HDAC9: variants seen among roughly 807,000 people sequenced by gnomAD.
HDAC9 encodes histone deacetylase 9.
HDAC9 carries 41 observed loss-of-function variants against 139.4 expected under a neutral mutation model. The ratio of observed to expected loss-of-function variants is 0.29; its 90% CI spans 0.23 to 0.38. The LOEUF (loss-of-function observed/expected upper bound fraction) is 0.38, where lower values mean the gene tolerates loss of function less well. HDAC9 is among the 10% of genes least tolerant of loss of function. The probability of loss-of-function intolerance (pLI) is 1.00; values close to 1 mark genes in which losing one functional copy is unlikely to be tolerated. For synonymous variants in HDAC9, 517 were observed against 476.2 expected (o/e 1.09, Z -1.12); for missense variants, 1,147 against 1,297.0 (o/e 0.88, Z 1.78).
intron 2 of HDAC9, among the ~76,000 whole-genome samples, chr7:18,215,571 G>T (rs1218050952): frequency 6.6e-6 from 1 of 152,184 alleles, no homozygotes; most frequent in Non-Finnish European, 1.5e-5. Context: ...TTATGTGGCA[G>T]TGTTGAGGAT....
intron 1 of HDAC9, among the ~76,000 whole-genome samples, chr7:18,434,499 A>G (rs1338094328): frequency 6.6e-6 from 1 of 152,258 alleles, no homozygotes; most frequent in Non-Finnish European, 1.5e-5. Context: ...TATGCATGCA[A>G]CAAAGGTCTA....
chr7:18,956,741 G>A (rs533387407), intron 24 of HDAC9, among the ~76,000 whole-genome samples: 1 of 152,188 alleles, frequency 6.6e-6, no homozygotes, highest in East Asian at 1.9e-4. Context: ...CAACTCCAGG[G>A]GAGCTGTTTT....
intron 2 of HDAC9, among the ~76,000 whole-genome samples, chr7:18,239,067 C>T (rs754604151): frequency 9.9e-5 from 15 of 152,002 alleles, no homozygotes; most frequent in Admixed American, 7.9e-4. Flanking sequence ...TTTACACTTA[C>T]GATTGGAAAT....
At chr7:18,177,694 T>C (rs915468111) in intron 2 of HDAC9, among the ~76,000 whole-genome samples, 1 of 152,238 alleles carries the variant, frequency 6.6e-6, no homozygotes, top group African/African-American at 2.4e-5. Flanking sequence ...TCTTCTCTAA[T>C]AGGCTTAGCT....
chr7:18,291,431 A>G (rs771126495), intron 1 of HDAC9, among the ~76,000 whole-genome samples: 1 of 152,136 alleles, frequency 6.6e-6, no homozygotes, highest in Non-Finnish European at 1.5e-5. Flanking sequence ...AATGAATACA[A>G]TAGCACTGAT....
chr7:18,651,347 G>A (rs369789835), intron 11 of HDAC9, among the ~76,000 whole-genome samples: 2 of 152,140 alleles, frequency 1.3e-5, no homozygotes, highest in South Asian at 2.1e-4. Flanking sequence ...AGGCACACAT[G>A]AAGATGTTGA....
At chr7:18,372,856 G>A (rs1044911601) in intron 1 of HDAC9, among the ~76,000 whole-genome samples, 12 of 152,174 alleles carry the variant, frequency 7.9e-5, no homozygotes, top group Non-Finnish European at 1.8e-4. Context: ...TTTGGTACAG[G>A]CAAACAGAGG....
At chr7:18,934,636 A>G (rs1185248266) in intron 22 of HDAC9, among the ~76,000 whole-genome samples, 1 of 152,168 alleles carries the variant, frequency 6.6e-6, no homozygotes, top group Non-Finnish European at 1.5e-5. Flanking sequence ...TGAAAACACA[A>G]TAAGATGCCA....
At chr7:18,889,193 G>T (rs1327206847) in intron 22 of HDAC9, among the ~76,000 whole-genome samples, 1 of 152,048 alleles carries the variant, frequency 6.6e-6, no homozygotes, top group African/African-American at 2.4e-5. Flanking sequence ...TCACATCAGG[G>T]TCTTTGCATG....
At chr7:18,499,354 G>GT (rs1186592902) in intron 2 of HDAC9, among the ~76,000 whole-genome samples, 4 of 151,900 alleles carry the variant, frequency 2.6e-5, no homozygotes, top group Non-Finnish European at 5.9e-5. Flanking sequence ...ATGGTTGTAT[G>GT]TTTTTTTGAT....
At chr7:18,092,440 C>T (rs1352541472) in intron 1 of HDAC9, among the ~76,000 whole-genome samples, 1 of 150,004 alleles carries the variant, frequency 6.7e-6, no homozygotes, top group Non-Finnish European at 1.5e-5. Flanking sequence ...GTAAAGTCAG[C>T]AGACCTGACT....
At chr7:18,895,887 TA>T (rs1456262967) in intron 22 of HDAC9, among the ~76,000 whole-genome samples, 2 of 152,098 alleles carry the variant, frequency 1.3e-5, no homozygotes, top group African/African-American at 4.8e-5. Flanking sequence ...TAATCATGAT[TA>T]ACCACTTTTT....
At chr7:18,299,688 G>A (rs1052260956) in intron 1 of HDAC9, among the ~76,000 whole-genome samples, 2 of 152,158 alleles carry the variant, frequency 1.3e-5, no homozygotes, top group African/African-American at 4.8e-5. Flanking sequence ...AAACAGGTTG[G>A]TGCTGGCTCA....
chr7:18,234,364 T>C (rs1793675824), intron 2 of HDAC9, among the ~76,000 whole-genome samples: 1 of 152,148 alleles, frequency 6.6e-6, no homozygotes, highest in African/African-American at 2.4e-5. Context: ...GTTATAGAAA[T>C]CTAGAGAAGG....
chr7:18,653,066 G>C (rs554203437), intron 11 of HDAC9, among the ~76,000 whole-genome samples: 1 of 151,876 alleles, frequency 6.6e-6, no homozygotes, highest in South Asian at 2.1e-4. Context: ...GAGAAACCCC[G>C]TCTCTACTAA....
chr7:18,116,566 T>C (rs1262996243), intron 1 of HDAC9, among the ~76,000 whole-genome samples: 1 of 152,162 alleles, frequency 6.6e-6, no homozygotes, highest in Non-Finnish European at 1.5e-5. Flanking sequence ...GGTTAACATA[T>C]GTATCACATA....
At chr7:18,929,733 C>G (rs979881116) in intron 22 of HDAC9, among the ~76,000 whole-genome samples, 1 of 152,100 alleles carries the variant, frequency 6.6e-6, no homozygotes. Flanking sequence ...GTCAAGAGAT[C>G]GAGACTATCC....
chr7:18,147,721 C>A (rs1786448983), intron 1 of HDAC9, among the ~76,000 whole-genome samples: 1 of 151,274 alleles, frequency 6.6e-6, no homozygotes, highest in Non-Finnish European at 1.5e-5. Context: ...TAGCCATTAT[C>A]CTGAGTTGAA....
intron 2 of HDAC9, among the ~76,000 whole-genome samples, chr7:18,193,880 T>C (rs1258799900): frequency 6.6e-6 from 1 of 152,186 alleles, no homozygotes. Flanking sequence ...TGGTGTTCTG[T>C]TTTATCTCTT....
Sources: allele counts gnomAD v4.1 joint callset (sites outside exome capture counted in the v4.1 genomes callset), GRCh38; gene constraint gnomAD v4.1.1; transcripts MANE v1.5; gene names NCBI Gene and HGNC (gene_info 2026-07-23, HGNC 2026-07-21).